Variants in DTNBP1 observed in about 807,000 individuals in gnomAD.
The protein encoded by DTNBP1 is dysbindin.
Under a neutral mutation model 42.8 loss-of-function variants are expected in DTNBP1, and 35 were observed. That is an observed-to-expected ratio of 0.82 (90% CI 0.63 to 1.09). The LOEUF is 1.09. DTNBP1 is among the 50% of genes least tolerant of loss of function. The pLI is 0.00. For synonymous variants in DTNBP1, 171 were observed against 162.2 expected (o/e 1.05, Z -0.41); for missense variants, 457 against 424.2 (o/e 1.08, Z -0.68).
At chr6:15,651,978 T>C (rs1761026257) in intron 2 of DTNBP1, 109 bp downstream of exon 2, 6 of 897,942 alleles carry the variant, frequency 6.7e-6, no homozygotes, top group Non-Finnish European at 1.1e-5. Context: ...TGTAGTCAGA[T>C]GCACTCAACA....
In DTNBP1 at chr6:15,533,200, C is replaced by T. The variant is rs755318275; in HGVS notation, c.667+40G>A. On this transcript the variant is annotated intron_variant, in intron 8 of 9. Transcript: ENST00000344537. ...AGGGGTCCATCGCCACCCCGCACAGCCGGTGAGTCCCCACACCAGCAGCCC... is the reference window on the plus strand; with the variant it reads ...AGGGGTCCATCGCCACCCCGCACAGTCGGTGAGTCCCCACACCAGCAGCCC... 35 of 1,610,628 alleles carry T rather than the reference C, an allele frequency of 2.2e-5. No homozygotes were observed. In the South Asian group the frequency reaches 3.4e-4, roughly 16 times the overall value.
intron 1 of DTNBP1, among the ~76,000 whole-genome samples, chr6:15,657,222 G>A (rs541941888): frequency 2.6e-5 from 4 of 152,290 alleles, no homozygotes; most frequent in South Asian, 4.1e-4. Context: ...TCACCTGAGC[G>A]CAAGAGAAAT....
chr6:15,578,615 G>A (rs904920273), intron 7 of DTNBP1, among the ~76,000 whole-genome samples: 17 of 152,170 alleles, frequency 1.1e-4, no homozygotes, highest in Non-Finnish European at 2.2e-4. Context: ...GTCATTTCAT[G>A]CTGTAAATCA....
At chr6:15,652,212 C>G in intron 1 of DTNBP1, 72 bp from the exon 2 acceptor site, 2 of 1,273,674 alleles carry the variant, frequency 1.6e-6, no homozygotes, top group Non-Finnish European at 2.2e-6. Flanking sequence ...GACAGGGTCT[C>G]ACTCTGTCGT....
intron 3 of DTNBP1, 90 bp downstream of exon 3, chr6:15,651,223 T>C (rs1306052440): frequency 1.6e-5 from 20 of 1,233,324 alleles, no homozygotes; most frequent in Non-Finnish European, 2.1e-5. Context: ...ATTTAGCTGT[T>C]TTAAGGCTTT....
At chr6:15,644,700 T>C (rs1482261907) in intron 3 of DTNBP1, among the ~76,000 whole-genome samples, 2 of 151,736 alleles carry the variant, frequency 1.3e-5, no homozygotes, top group Non-Finnish European at 2.9e-5. Context: ...ACAATGAAAT[T>C]AAGGCAGAGA....
At chr6:15,624,320 A>C (rs1561997956) in intron 5 of DTNBP1, among the ~76,000 whole-genome samples, 2 of 152,234 alleles carry the variant, frequency 1.3e-5, no homozygotes, top group African/African-American at 4.8e-5. Context: ...TCCAGTTCCC[A>C]GCATACCCTT....
intron 5 of DTNBP1, among the ~76,000 whole-genome samples, chr6:15,626,548 C>A (rs1390612329): frequency 6.6e-6 from 1 of 152,178 alleles, no homozygotes; most frequent in Non-Finnish European, 1.5e-5. Context: ...CTACCTCCTA[C>A]TTTACTAAGA....
intron 5 of DTNBP1, among the ~76,000 whole-genome samples, chr6:15,618,520 C>A (rs1044901935): frequency 6.7e-6 from 1 of 148,712 alleles, no homozygotes; most frequent in Non-Finnish European, 1.5e-5. Flanking sequence ...TACCCCCTTA[C>A]CCCCTAAAAC....
intron 1 of DTNBP1, among the ~76,000 whole-genome samples, chr6:15,658,340 A>G (rs1048375992): frequency 1.3e-5 from 2 of 152,342 alleles, no homozygotes; most frequent in Middle Eastern, 6.8e-3. Flanking sequence ...CATTTCAAGC[A>G]ACACTTCACC....
At chr6:15,636,932 A>G (rs2113766930) in intron 4 of DTNBP1, among the ~76,000 whole-genome samples, 1 of 152,290 alleles carries the variant, frequency 6.6e-6, no homozygotes, top group South Asian at 2.1e-4. Context: ...CCAACATTTA[A>G]GTGTTTTATA....
At chr6:15,618,525 T>C (rs1008548552) in intron 5 of DTNBP1, among the ~76,000 whole-genome samples, 24 of 139,214 alleles carry the variant, frequency 1.7e-4, no homozygotes, top group African/African-American at 5.5e-4. Context: ...CCTTACCCCC[T>C]AAAACTAAAA....
intron 7 of DTNBP1, chr6:15,545,894 T>A (rs916877985): frequency 3.1e-6 from 1 of 321,544 alleles, no homozygotes; most frequent in African/African-American, 2.2e-5. Flanking sequence ...TTAGCTTTTA[T>A]GGGAAGGGCA....
At chr6:15,648,387 G>A (rs1052017593) in intron 3 of DTNBP1, among the ~76,000 whole-genome samples, 1 of 151,924 alleles carries the variant, frequency 6.6e-6, no homozygotes, top group South Asian at 2.1e-4. Context: ...AGTACTGGAT[G>A]GTCTAGCCAG....
At chr6:15,533,689 CT>C (rs1256972927) in intron 7 of DTNBP1, 20 of 549,040 alleles carry the variant, frequency 3.6e-5, no homozygotes, top group African/African-American at 3.4e-4. Context: ...TCACAAACAG[CT>C]GTTCACCTTC....
chr6:15,653,926 T>C (rs1352855232), intron 1 of DTNBP1, among the ~76,000 whole-genome samples: 1 of 152,198 alleles, frequency 6.6e-6, no homozygotes, highest in African/African-American at 2.4e-5. Context: ...TGGTACAGTA[T>C]ACAATCTGCA....
rs146113366 is a variant in DTNBP1 at position 15,524,511 on chromosome 6, G to C, written c.811+15C>G. On this transcript the variant is annotated intron_variant, in intron 9 of 9. Coordinates refer to ENST00000344537, the MANE Select transcript of DTNBP1 (RefSeq NM_032122.5). ...TACTGCCCTGGTTCAGCTAATGCAA[G>C]TTTGTCAACCCTACCTAAGGCGGGG... 405 of 1,608,514 alleles carry C rather than the reference G, an allele frequency of 2.5e-4. 1 individual carries two copies. The highest frequency in any genetic ancestry group is 3.2e-4 in the Non-Finnish European group (377 of 1,176,086).
At chr6:15,583,860 C>T (rs1463569766) in intron 7 of DTNBP1, among the ~76,000 whole-genome samples, 2 of 152,182 alleles carry the variant, frequency 1.3e-5, no homozygotes, top group African/African-American at 2.4e-5. Flanking sequence ...TTAAGCATCA[C>T]AACCCTAATC....
chr6:15,641,148 A>G (rs1348009698), intron 3 of DTNBP1, among the ~76,000 whole-genome samples: 2 of 152,158 alleles, frequency 1.3e-5, no homozygotes, highest in Non-Finnish European at 2.9e-5. Context: ...CCTCTTGGAG[A>G]GCCAGACACT....
Sources: gnomAD v4.1 joint callset for allele counts (sites outside exome capture counted in the v4.1 genomes callset) on GRCh38, gnomAD v4.1.1 for gene constraint, MANE v1.5 for transcripts, NCBI Gene and HGNC (gene_info 2026-07-23, HGNC 2026-07-21) for gene names.